The following FBXO21 variants were observed in gnomAD, a reference collection of about 807,000 sequenced individuals.
The protein encoded by FBXO21 is F-box protein 21, also known as F-box only protein 21.
FBXO21 carries 32 observed loss-of-function variants against 76.6 expected under a neutral mutation model. That is an observed-to-expected ratio of 0.42 (90% CI 0.32 to 0.56). The LOEUF (loss-of-function observed/expected upper bound fraction) is 0.56, where lower values mean the gene tolerates loss of function less well. Ranked by LOEUF, FBXO21 falls within the 20% of genes least tolerant of loss-of-function variation. The pLI is 0.16. For missense variants in FBXO21, 586 were observed against 797.3 expected (o/e 0.73, Z 3.19); for synonymous variants, 328 against 311.5 (o/e 1.05, Z -0.56).
rs761063021 is a variant in FBXO21, at chr12:117,189,329, G to A, written c.273C>T (p.Thr91=). ...WPSLMKHYSP[T]DYVNWLEEYK... is the part of the protein sequence containing the mutation. ...ACTCTTCCAACCAATTGACGTAGTC[G>A]GTGGGGCTGTAGTGTTTCATAAGGG... Residue 91 remains threonine (T), a synonymous_variant, in exon 2 of 12, where the codon ACC becomes ACT. Coordinates refer to ENST00000622495, the MANE Select transcript of FBXO21 (RefSeq NM_015002.3). 1.2e-6 allele frequency: 2 copies of A among 1,614,108 alleles called. No individual in the cohort carries two copies. Among genetic ancestry groups the A allele is most frequent in the Non-Finnish European group, 1.7e-6 (2 of 1,180,018 alleles).
intron 4 of FBXO21, among the ~76,000 whole-genome samples, chr12:117,176,666 T>A (rs960921200): frequency 6.6e-6 from 1 of 152,078 alleles, no homozygotes; most frequent in Non-Finnish European, 1.5e-5. Flanking sequence ...GAGGTGGCCA[T>A]AGACTGCATG....
rs1476091815 is a variant in FBXO21, at chr12:117,174,384, G to A, written c.740-43C>T. ...ACTCTGGGACCCAAGCACAAAAAAGGTTGTGACAGGTGCCCCAAACAACTC... is the reference window on the plus strand; with the variant it reads ...ACTCTGGGACCCAAGCACAAAAAAGATTGTGACAGGTGCCCCAAACAACTC... On this transcript the variant is annotated intron_variant, in intron 5 of 11. Transcript: ENST00000622495. The A allele has an allele frequency of 3.1e-6, 5 of 1,605,942 alleles. No individual in the cohort carries two copies. In the Admixed American group the frequency reaches 6.7e-5, roughly 21 times the overall value.
chr12:117,180,249 A>G (rs1402796712), intron 3 of FBXO21, among the ~76,000 whole-genome samples: 3 of 152,216 alleles, frequency 2.0e-5, no homozygotes, highest in African/African-American at 7.2e-5. Flanking sequence ...CAAGATGACA[A>G]TCTGGAAACC....
intron 3 of FBXO21, among the ~76,000 whole-genome samples, chr12:117,185,723 C>T (rs1409159107): frequency 4.6e-5 from 7 of 152,060 alleles, no homozygotes; most frequent in Non-Finnish European, 5.9e-5. Context: ...TATTTTGTAC[C>T]GCAATTCAGA....
rs770269227 is a variant in FBXO21, at chr12:117,190,349, C to T, written c.108G>A (p.Glu36=). 7 of 1,538,842 alleles carry T rather than the reference C, an allele frequency of 4.5e-6. No homozygotes were observed. The Admixed American group carries it at 9.6e-5, about 21-fold the overall frequency. ...GLSCLVNLPG[E]VLEYILCCGS... is the part of the protein sequence containing the mutation. Reference sequence around the variant, plus strand: ...CGCAGCACAGGATGTACTCCAGCACCTCACCCGGCAGGTTGACGAGGCAGC... The same window carrying T: ...CGCAGCACAGGATGTACTCCAGCACTTCACCCGGCAGGTTGACGAGGCAGC... Residue 36 remains glutamate, a synonymous_variant, in exon 1 of 12, where the codon GAG becomes GAA. Coordinates refer to ENST00000622495, the MANE Select transcript of FBXO21 (RefSeq NM_015002.3).
intron 7 of FBXO21, among the ~76,000 whole-genome samples, chr12:117,169,459 A>C (rs1396332904): frequency 6.6e-6 from 1 of 152,224 alleles, no homozygotes; most frequent in African/African-American, 2.4e-5. Context: ...CCTGAACTTA[A>C]AAGTTAAAAA....
In FBXO21 at chr12:117,162,815, A is replaced by T. The variant is rs920596795; in HGVS notation, c.1326+2670T>A. Among the ~76,000 whole-genome samples the T allele has an allele frequency of 1.8e-4, 28 of 152,352 alleles. 1 individual carries two copies. Among genetic ancestry groups the T allele is most frequent in the Admixed American group, 1.6e-3 (25 of 15,300 alleles). ...ACTCATCAGCATAGAAATCCGTGCT[A>T]GGCTGACATCTGCAGGCGCCACACC... On this transcript the variant is annotated intron_variant, in intron 9 of 11. Coordinates refer to ENST00000622495, the MANE Select transcript of FBXO21 (RefSeq NM_015002.3).
chr12:117,155,871 A>C lies in FBXO21; in HGVS notation c.1595T>G (p.Val532Gly). ...MGHEWIRNMN[V>G]HSLPHGHHQP... ...GTGGTGGCCGTGCGGCAGGCTGTGG[A>C]CGTTCATGTTCCGGATCCACTCGTG... The change falls in exon 11 of 12, where the codon GTC becomes GGC. Residue 532 changes from valine to glycine, a missense_variant. Around this residue, in one of 6 missense-constraint regions of FBXO21, gnomAD observed 164 missense variants for 236.7 expected, o/e 0.69. Coordinates refer to ENST00000622495, the MANE Select transcript of FBXO21 (RefSeq NM_015002.3). 1 of 1,614,192 alleles carries C rather than the reference A, an allele frequency of 6.2e-7. No individual in the cohort carries two copies. The highest frequency in any genetic ancestry group is 8.5e-7 in the Non-Finnish European group (1 of 1,180,020).
At chr12:117,163,256 G>A (rs1351537139) in intron 9 of FBXO21, among the ~76,000 whole-genome samples, 1 of 152,398 alleles carries the variant, frequency 6.6e-6, no homozygotes, top group East Asian at 1.9e-4. Context: ...TTGCAGGCCG[G>A]GCACGGTGGC....
chr12:117,146,343 G>A, intron 11 of FBXO21, 66 bp from the exon 12 acceptor site: 1 of 1,391,012 alleles, frequency 7.2e-7, no homozygotes, highest in Admixed American at 2.1e-5. Context: ...CTTTCATCCA[G>A]AGAACCTCCC....
rs201123030 is a variant in FBXO21 at position 117,189,372 on chromosome 12, G to C, written c.240-10C>G. 47 of 1,614,136 alleles carry C rather than the reference G, an allele frequency of 2.9e-5. No individual in the cohort carries two copies. In the Middle Eastern group the frequency reaches 8.2e-4, roughly 28 times the overall value. On this transcript the variant is annotated splice_polypyrimidine_tract_variant and intron_variant, in intron 1 of 11. Coordinates refer to ENST00000622495, the MANE Select transcript of FBXO21 (RefSeq NM_015002.3). ...CATAAGGGAAGGCCACCTACGAGGA[G>C]AGAAACACCCCCTCAGCTTAACAGA...
At chr12:117,180,409 C>A (rs891663670) in intron 3 of FBXO21, among the ~76,000 whole-genome samples, 1 of 152,162 alleles carries the variant, frequency 6.6e-6, no homozygotes, top group African/African-American at 2.4e-5. Flanking sequence ...TATAAAATAC[C>A]TTTTGAGTTC....
intron 9 of FBXO21, among the ~76,000 whole-genome samples, chr12:117,159,459 C>T (rs915860033): frequency 1.3e-5 from 2 of 152,148 alleles, no homozygotes; most frequent in African/African-American, 4.8e-5. Context: ...CAACCAGTGT[C>T]ATATCCTAGC....
At chr12:117,164,319 C>T (rs1345636495) in intron 9 of FBXO21, among the ~76,000 whole-genome samples, 1 of 145,056 alleles carries the variant, frequency 6.9e-6, no homozygotes, top group Non-Finnish European at 1.5e-5. Flanking sequence ...CTCTGTTGCA[C>T]TGGCTAGAGT....
chr12:117,155,608 G>C, intron 11 of FBXO21, 183 bp downstream of exon 11: 1 of 675,506 alleles, frequency 1.5e-6, no homozygotes, highest in Non-Finnish European at 2.5e-6. Flanking sequence ...CCCTCGCCAG[G>C]GCGGCACCTG....
Position 117,177,657 on chromosome 12 carries a change from C to A in FBXO21, c.471-16G>T. ...CAAAGCTTTTCTGGAAACAAAAAGT[C>A]AGTAAGAATTAAGATTTGAAAACTT... On this transcript the variant is annotated splice_polypyrimidine_tract_variant and intron_variant, in intron 3 of 11. Coordinates refer to ENST00000622495, the MANE Select transcript of FBXO21 (RefSeq NM_015002.3). The A allele has an allele frequency of 6.2e-7, 1 of 1,610,192 alleles. No individual in the cohort carries two copies. The highest frequency in any genetic ancestry group is 1.1e-5 in the South Asian group (1 of 90,462).
At position 117,189,352 on chromosome 12, in the gene FBXO21, G is replaced by A. The variant is rs762049084; in HGVS notation, c.250C>T (p.Leu84Phe). ...TCGGTGGGGCTGTAGTGTTTCATAA[G>A]GGAAGGCCACCTACGAGGAGAGAAA... ...KEQFRVRWPS[L>F]MKHYSPTDYV... is the part of the protein sequence containing the mutation. The change falls in exon 2 of 12, where the codon CTT becomes TTT. Residue 84 changes from leucine to phenylalanine, a missense_variant. This residue lies in a region of FBXO21 where 152 missense variants were observed against 127.2 expected (regional missense o/e 1.19). Transcript: ENST00000622495. 5 of 1,614,062 alleles carry A rather than the reference G, an allele frequency of 3.1e-6. No homozygotes were observed. The highest frequency in any genetic ancestry group is 4.2e-6 in the Non-Finnish European group (5 of 1,180,024).
In FBXO21 at chr12:117,190,235, C is replaced by T. The variant is rs754798102; in HGVS notation, c.222G>A (p.Lys74=). ...TGGCTCACCTCACCCGGAACTGCTC[C>T]TTCCACACCTTCCCGCTGCTCTGGC... ...ELCQSSGKVW[K]EQFRVRWPSL... Residue 74 remains lysine, a synonymous_variant, in exon 1 of 12, where the codon AAG becomes AAA. Transcript: ENST00000622495. The T allele has an allele frequency of 1.3e-6, 2 of 1,532,548 alleles. No individual in the cohort carries two copies. Among genetic ancestry groups the T allele is most frequent in the Non-Finnish European group, 8.7e-7 (1 of 1,149,700 alleles). The allele number at this position is 1,532,548 out of a possible 1,614,324, so 94.9% of individuals were successfully genotyped here. A position where few individuals can be genotyped will look rare whatever the true frequency, so the allele number is the denominator to read the frequency against.
At position 117,145,099 on chromosome 12, in the gene FBXO21, T is replaced by A. The variant is rs2135838267; in HGVS notation, c.*988A>T. On this transcript the variant is annotated 3_prime_UTR_variant, in exon 12 of 12. Coordinates refer to ENST00000622495, the MANE Select transcript of FBXO21 (RefSeq NM_015002.3). ...TTTTTTTTTAAGGTTCATTAATTTT[T>A]TTTTTTCCTGATTACAAAAGCAAAA... The A allele has an allele frequency of 6.6e-6, 1 of 152,004 alleles. No homozygotes were observed. Among genetic ancestry groups the A allele is most frequent in the African/African-American group, 2.4e-5 (1 of 41,528 alleles). The allele number at this position is 152,004 out of a possible 1,614,324, so 9.4% of individuals were successfully genotyped here.
Sources: allele counts gnomAD v4.1 joint callset (sites outside exome capture counted in the v4.1 genomes callset), GRCh38; gene constraint gnomAD v4.1.1; regional missense constraint gnomAD v4.1.1; transcripts MANE v1.5; gene names NCBI Gene and HGNC (gene_info 2026-07-23, HGNC 2026-07-21).